The following PLCD3 variants were observed in gnomAD, a reference collection of about 807,000 sequenced individuals.
PLCD3 encodes phospholipase C delta 3.
Under a neutral mutation model 82.8 loss-of-function variants are expected in PLCD3, and 62 were observed. That is an observed-to-expected ratio of 0.75 (90% confidence interval 0.61 to 0.93). The LOEUF (loss-of-function observed/expected upper bound fraction) is 0.93, where lower values mean the gene tolerates loss of function less well. Among genes scored for constraint, PLCD3 ranks in the 40% least tolerant of loss-of-function variants. PLCD3 has a pLI of 0.00. For synonymous variants in PLCD3, 478 were observed against 471.8 expected (o/e 1.01, Z -0.17); for missense variants, 1,023 against 1,103.4 (o/e 0.93, Z 1.03).
chr17:45,118,942 C>T lies in PLCD3; in HGVS notation c.786G>A (p.Gln262=). The change falls in exon 5 of 15, where the codon CAG becomes CAA. Residue 262 remains glutamine (Q), a synonymous_variant. Coordinates refer to ENST00000619929, the MANE Select transcript of PLCD3 (RefSeq NM_133373.5). This position sits in a 1 kb window ranked among gnomAD's most constrained non-coding sequence, Gnocchi z 4.1. ...TCAGCACGCGGTCCTCGCCCGAGTA[C>T]TGATGGAAGATCTCCTCCAGCTCCG... ...KRPELEEIFH[Q]YSGEDRVLSA... The T allele has an allele frequency of 6.2e-7, 1 of 1,612,782 alleles. No homozygotes were observed. Among genetic ancestry groups the T allele is most frequent in the East Asian group, 2.2e-5 (1 of 44,882 alleles).
chr17:45,132,498 G>T lies in PLCD3; in HGVS notation c.-88C>A. ...CGCTCTGGCCCGGCCCCGGCTCTGA[G>T]CGAGGCGGCGAGCGAAGAAACTTAG... On this transcript the variant is annotated 5_prime_UTR_variant, in exon 1 of 15. Coordinates refer to ENST00000619929, the MANE Select transcript of PLCD3 (RefSeq NM_133373.5). The surrounding 1 kb of genome is among the most constrained non-coding windows in gnomAD (Gnocchi z 4.6). 1 of 850,636 alleles carries T rather than the reference G, an allele frequency of 1.2e-6. No individual in the cohort carries two copies. Among genetic ancestry groups the T allele is most frequent in the Non-Finnish European group, 1.5e-6 (1 of 666,060 alleles). The allele number at this position is 850,636 out of a possible 1,614,324, so 52.7% of individuals were successfully genotyped here. A position where few individuals can be genotyped will look rare whatever the true frequency, so the allele number is the denominator to read the frequency against.
In PLCD3 at chr17:45,110,089, C is replaced by CAA. The variant is rs888124837; in HGVS notation, c.*2525_*2526dup. On this transcript the variant is annotated 3_prime_UTR_variant, in exon 15 of 15. Transcript: ENST00000619929. ...CGAGACTCCATCTCAAAAAAACAAA[C>CAA]AAAAAAAAAACCCTGTGATTTCTCC... 2.7e-5 allele frequency: 4 copies of CAA among 147,006 alleles called. No individual in the cohort carries two copies. Among genetic ancestry groups the CAA allele is most frequent in the African/African-American group, 7.5e-5 (3 of 39,994 alleles). The allele number at this position is 147,006 out of a possible 1,614,324, so 9.1% of individuals were successfully genotyped here.
At chr17:45,121,398 G>A (rs768965148) in intron 1 of PLCD3, 26 bp from the exon 2 acceptor site, 4 of 1,482,618 alleles carry the variant, frequency 2.7e-6, no homozygotes, top group South Asian at 1.3e-5. Flanking sequence ...GACCCGGGGC[G>A]TCAGGCCGTA....
chr17:45,125,125 A>G (rs4986167), intron 1 of PLCD3, among the ~76,000 whole-genome samples: 114,150 of 149,936 alleles, frequency 0.76, 43,265 homozygotes, highest in Middle Eastern at 0.82. Context: ...TCAGGAGTTC[A>G]AGACCAGCCT....
intron 9 of PLCD3, 38 bp from the exon 10 acceptor site, chr17:45,115,282 G>T: frequency 6.5e-7 from 1 of 1,530,008 alleles, no homozygotes. Flanking sequence ...GCTGGCCCCC[G>T]CTTCCCACAT....
Position 45,121,107 on chromosome 17 carries a change from C to A in PLCD3, c.349G>T (p.Val117Phe). 1 of 1,529,144 alleles carries A rather than the reference C, an allele frequency of 6.5e-7. No homozygotes were observed. The allele number at this position is 1,529,144 out of a possible 1,614,324, so 94.7% of individuals were successfully genotyped here. ...CCCTCGGACTGGTGGCCCTCGCGGA[C>A]CGCCTCGATGTGCTGCACGAAGACT... ...HIFFVQHIEA[V>F]REGHQSEGLR... The change falls in exon 3 of 15, where the codon GTC becomes TTC. Residue 117 changes from valine to phenylalanine, a missense_variant. Val to Phe is a conservative substitution (Grantham distance 50). Coordinates refer to ENST00000619929, the MANE Select transcript of PLCD3 (RefSeq NM_133373.5).
intron 1 of PLCD3, among the ~76,000 whole-genome samples, chr17:45,130,007 C>A (rs2054407946): frequency 6.6e-6 from 1 of 152,194 alleles, no homozygotes; most frequent in Admixed American, 6.5e-5. Flanking sequence ...ACCTGGGTGA[C>A]AGGCCTAGGC....
At position 45,112,946 on chromosome 17, in the gene PLCD3, CG is replaced by C; in HGVS notation, c.2197del (p.Arg733GlyfsTer26). The C allele has an allele frequency of 6.2e-7, 1 of 1,612,932 alleles. No individual in the cohort carries two copies. Among genetic ancestry groups the C allele is most frequent in the Non-Finnish European group, 8.5e-7 (1 of 1,179,364 alleles). ...QLRAPELALV[R>X]FVVEDYDATS... ...GGCGTCATAATCTTCCACCACAAACCGGACCAGTGCCAGCTCCGGAGCCCGC... is the reference window on the plus strand; with the variant it reads ...GGCGTCATAATCTTCCACCACAAACCGACCAGTGCCAGCTCCGGAGCCCGC... On this transcript the variant is annotated frameshift_variant, in exon 14 of 15. Transcript: ENST00000619929. LOFTEE classifies it high-confidence loss of function.
At chr17:45,121,586 C>G (rs987289929) in intron 1 of PLCD3, among the ~76,000 whole-genome samples, 17 of 152,270 alleles carry the variant, frequency 1.1e-4, no homozygotes, top group African/African-American at 4.1e-4. Context: ...GAGCCCTAAA[C>G]GCCCCCCAAC....
chr17:45,116,748 G>C lies in PLCD3; in HGVS notation c.1297C>G (p.His433Asp). The change falls in exon 8 of 15, where the codon CAC becomes GAC. Residue 433 changes from histidine to aspartate, a missense_variant. Transcript: ENST00000619929. ...GCAGCCTGCTGCTCCAGCCCGCAGT[G>C]GTTCTCCAGGGATAGGATGACAGGG... is the stretch of plus-strand genomic sequence containing the variant. ...PYPVILSLEN[H>D]CGLEQQAAMA... The C allele has an allele frequency of 1.9e-6, 3 of 1,608,530 alleles. No homozygotes were observed. Among genetic ancestry groups the C allele is most frequent in the Non-Finnish European group, 2.5e-6 (3 of 1,177,092 alleles).
intron 1 of PLCD3, among the ~76,000 whole-genome samples, chr17:45,122,711 A>G (rs761497983): frequency 6.6e-6 from 1 of 152,202 alleles, no homozygotes; most frequent in African/African-American, 2.4e-5. Flanking sequence ...CGTGACCGAC[A>G]CTGTGCCCCG....
chr17:45,132,489 C>A lies in PLCD3; in HGVS notation c.-79G>T. 2 of 858,646 alleles carry A rather than the reference C, an allele frequency of 2.3e-6. No individual in the cohort carries two copies. Among genetic ancestry groups the A allele is most frequent in the South Asian group, 5.5e-5 (1 of 18,262 alleles). The allele number at this position is 858,646 out of a possible 1,614,324, so 53.2% of individuals were successfully genotyped here. On this transcript the variant is annotated 5_prime_UTR_variant, in exon 1 of 15. Transcript: ENST00000619929. The surrounding 1 kb of genome is among the most constrained non-coding windows in gnomAD (Gnocchi z 4.6). ...GCGGGGCGCCGCTCTGGCCCGGCCC[C>A]GGCTCTGAGCGAGGCGGCGAGCGAA...
intron 8 of PLCD3, 53 bp from the exon 9 acceptor site, chr17:45,115,543 A>G: frequency 6.7e-7 from 1 of 1,503,120 alleles, no homozygotes; most frequent in Non-Finnish European, 9.0e-7. Context: ...CCCCTGTGGC[A>G]GCCAGTCAGT....
In PLCD3 at chr17:45,118,226, A is replaced by G. The variant is rs959678770; in HGVS notation, c.1115+65T>C. 6.8e-6 allele frequency: 11 copies of G among 1,611,150 alleles called. No individual in the cohort carries two copies. The Admixed American group carries it at 1.8e-4, about 27-fold the overall frequency. On this transcript the variant is annotated intron_variant, in intron 6 of 14. Transcript: ENST00000619929. The surrounding 1 kb of genome is among the most constrained non-coding windows in gnomAD (Gnocchi z 4.1). ...AGGCAGGCTGGGCCAGGAAGGCCCC[A>G]GGAAGCCAGCCCATGTCTCTCCCCA...
rs754884681 is a variant in PLCD3 at position 45,121,266 on chromosome 17, G to A, written c.270C>T (p.Asp90=). 5 of 1,591,346 alleles carry A rather than the reference G, an allele frequency of 3.1e-6. No individual in the cohort carries two copies. The highest frequency in any genetic ancestry group is 2.3e-5 in the East Asian group (1 of 44,328). The part of the protein sequence containing the change: ...HKERLYRLQE[D]GLSVWFQRRI... ...GCCGCTGGAACCACACGCTCAGGCCGTCCTCCTGCAGCCGGTACAGCCGCT... is the reference window on the plus strand; with the variant it reads ...GCCGCTGGAACCACACGCTCAGGCCATCCTCCTGCAGCCGGTACAGCCGCT... The change falls in exon 2 of 15, where the codon GAC becomes GAT. Residue 90 remains aspartate (D), a synonymous_variant. Transcript: ENST00000619929.
chr17:45,119,049 G>T lies in PLCD3; in HGVS notation c.685-6C>A. 6.3e-7 allele frequency: 1 copy of T among 1,594,226 alleles called. No homozygotes were observed. The highest frequency in any genetic ancestry group is 8.6e-7 in the Non-Finnish European group (1 of 1,169,242). On this transcript the variant is annotated splice_region_variant and splice_polypyrimidine_tract_variant and intron_variant, in intron 4 of 14. Coordinates refer to ENST00000619929, the MANE Select transcript of PLCD3 (RefSeq NM_133373.5). ...TTGTTGGAGTGGTCACACTCCTGGG[G>T]AGCAGCAGGAGAAGCTCAGAGGAGG...
chr17:45,115,389 G>GTCATCC lies in PLCD3; in HGVS notation c.1509_1514dup (p.Glu503_Asp504dup). The stretch of plus-strand genomic sequence containing the variant: ...CCTCCACCTCCTCTTCTTCCTCCTC[G>GTCATCC]TCATCCTCCTCCTCCTCCTCCCGAT... On this transcript the variant is annotated inframe_insertion, in exon 9 of 15. Coordinates refer to ENST00000619929, the MANE Select transcript of PLCD3 (RefSeq NM_133373.5). 1 of 1,587,288 alleles carries GTCATCC rather than the reference G, an allele frequency of 6.3e-7. No homozygotes were observed. Among genetic ancestry groups the GTCATCC allele is most frequent in the Non-Finnish European group, 8.6e-7 (1 of 1,168,634 alleles).
Position 45,118,142 on chromosome 17 carries a change from T to TGTGTGGACAGATGGGTGGACGGGCAAG in PLCD3, c.1116-31_1116-5dup, listed in dbSNP as rs775371392. 3.2e-5 allele frequency: 52 copies of TGTGTGGACAGATGGGTGGACGGGCAAG among 1,613,762 alleles called. No individual in the cohort carries two copies. Among genetic ancestry groups the TGTGTGGACAGATGGGTGGACGGGCAAG allele is most frequent in the Non-Finnish European group, 4.2e-5 (50 of 1,179,868 alleles). On this transcript the variant is annotated splice_region_variant and splice_polypyrimidine_tract_variant and intron_variant, in intron 6 of 14. Coordinates refer to ENST00000619929, the MANE Select transcript of PLCD3 (RefSeq NM_133373.5). This position sits in a 1 kb window ranked among gnomAD's most constrained non-coding sequence, Gnocchi z 4.1. ...GCGGCATCCCTGGGCAAAGGCCCTG[T>TGTGTGGACAGATGGGTGGACGGGCAAG]GTGTGGACAGATGGGTGGACGGGCA...
rs1327058482 is a variant in PLCD3, at chr17:45,112,614, C to T, written c.*2G>A. The T allele has an allele frequency of 1.3e-6, 2 of 1,596,034 alleles. No homozygotes were observed. The highest frequency in any genetic ancestry group is 3.5e-5 in the Admixed American group (2 of 57,372). On this transcript the variant is annotated 3_prime_UTR_variant, in exon 15 of 15. Transcript: ENST00000619929. ...GAACCCCAAGGCGAGTGAGGTGGGC[C>T]CTCAGGAGCGCTGGATGCGGATTTG...
Sources: allele counts gnomAD v4.1 joint callset (sites outside exome capture counted in the v4.1 genomes callset), GRCh38; gene constraint gnomAD v4.1.1; non-coding constraint Gnocchi (gnomAD v3.1); transcripts MANE v1.5; gene names NCBI Gene and HGNC (gene_info 2026-07-23, HGNC 2026-07-21).